SEMA3A: variants seen among roughly 807,000 people sequenced by gnomAD.
SEMA3A encodes semaphorin 3A, also known as semaphorin-3A.
Under a neutral mutation model 97.9 loss-of-function variants are expected in SEMA3A, and 29 were observed. The observed-to-expected ratio is 0.30, with a 90% CI of 0.22 to 0.40. The LOEUF is 0.40. Among genes scored for constraint, SEMA3A ranks in the 10% least tolerant of loss-of-function variants. The pLI, the probability that SEMA3A is intolerant of heterozygous loss-of-function variation, is 1.00. For missense variants in SEMA3A, 763 were observed against 951.3 expected (o/e 0.80, Z 2.60); for synonymous variants, 321 against 323.7 (o/e 0.99, Z 0.09).
At chr7:84,247,047 G>GA (rs1192239052) in intron 3 of SEMA3A, among the ~76,000 whole-genome samples, 34 of 151,886 alleles carry the variant, frequency 2.2e-4, no homozygotes, top group Non-Finnish European at 4.3e-4. Flanking sequence ...AAAGCCTAAG[G>GA]AAAAAGTAAA....
At chr7:84,460,191 T>C (rs1805792432) in intron 1 of SEMA3A, among the ~76,000 whole-genome samples, 1 of 152,144 alleles carries the variant, frequency 6.6e-6, no homozygotes, top group Admixed American at 6.5e-5. Context: ...GTAAAGAAAT[T>C]ATTATAATCC....
intron 1 of SEMA3A, among the ~76,000 whole-genome samples, chr7:84,164,604 G>C (rs1012080401): frequency 2.6e-5 from 4 of 152,110 alleles, no homozygotes; most frequent in Admixed American, 2.6e-4. Flanking sequence ...AACACATTTA[G>C]TCCTAGCAAT....
intron 6 of SEMA3A, among the ~76,000 whole-genome samples, chr7:84,017,484 A>C (rs1159384060): frequency 5.9e-5 from 9 of 152,324 alleles, no homozygotes; most frequent in African/African-American, 1.9e-4. Flanking sequence ...GAAAATGAGA[A>C]TATCCAAGAA....
chr7:84,330,188 T>C (rs568822811), intron 2 of SEMA3A, among the ~76,000 whole-genome samples: 1 of 152,138 alleles, frequency 6.6e-6, no homozygotes, highest in South Asian at 2.1e-4. Flanking sequence ...ATCCTGGATA[T>C]ATGTCTCGTT....
At chr7:84,360,844 A>G (rs1309690090) in intron 2 of SEMA3A, among the ~76,000 whole-genome samples, 2 of 151,836 alleles carry the variant, frequency 1.3e-5, no homozygotes, top group Non-Finnish European at 2.9e-5. Context: ...CCCAGGCTGG[A>G]GTGCAGTGGC....
intron 2 of SEMA3A, among the ~76,000 whole-genome samples, chr7:84,360,263 C>G (rs1802683149): frequency 6.6e-6 from 1 of 151,936 alleles, no homozygotes; most frequent in South Asian, 2.1e-4. Context: ...CCTGCTTTCT[C>G]TTGTGGGCAT....
intron 15 of SEMA3A, among the ~76,000 whole-genome samples, chr7:83,972,023 C>G (rs1639579): frequency 2.0e-5 from 3 of 150,710 alleles, no homozygotes; most frequent in Non-Finnish European, 4.4e-5. Flanking sequence ...ACGTGTGTGT[C>G]TATATATGTG....
chr7:84,414,103 T>G (rs1287945390), intron 1 of SEMA3A, among the ~76,000 whole-genome samples: 1 of 152,152 alleles, frequency 6.6e-6, no homozygotes, highest in East Asian at 1.9e-4. Flanking sequence ...CCGCACCAAC[T>G]TGAGCAATTT....
intron 5 of SEMA3A, among the ~76,000 whole-genome samples, chr7:84,058,790 C>T (rs1469440536): frequency 2.0e-5 from 3 of 152,168 alleles, no homozygotes; most frequent in African/African-American, 4.8e-5. Context: ...TCCTGACTCA[C>T]TGAACTTTGC....
rs566877897 is a variant in SEMA3A, at chr7:84,045,336, A to T, written c.667+988T>A. Among the ~76,000 whole-genome samples, 173 of 152,096 alleles carry T rather than the reference A, an allele frequency of 1.1e-3. 1 individual carries two copies. The highest frequency in any genetic ancestry group is 4.1e-3 in the African/African-American group (169 of 41,528). On this transcript the variant is annotated intron_variant, in intron 6 of 16. Coordinates refer to ENST00000265362, the MANE Select transcript of SEMA3A (RefSeq NM_006080.3). ...AGGAAAAATTTCATGCTTCATTCTTATGAACGAGTTATATACAAGCAGGAA... is the reference window on the plus strand; with the variant it reads ...AGGAAAAATTTCATGCTTCATTCTTTTGAACGAGTTATATACAAGCAGGAA...
intron 11 of SEMA3A, among the ~76,000 whole-genome samples, chr7:84,003,215 A>T (rs1027056360): frequency 6.6e-6 from 1 of 152,158 alleles, no homozygotes; most frequent in Non-Finnish European, 1.5e-5. Context: ...AACCAAAAAA[A>T]GTACACTTTT....
intron 4 of SEMA3A, among the ~76,000 whole-genome samples, chr7:84,062,869 A>C (rs1168454730): frequency 2.7e-4 from 39 of 145,348 alleles, no homozygotes; most frequent in Non-Finnish European, 3.9e-4. Context: ...GCCAAACTTG[A>C]TTAGGTAAAC....
At chr7:84,451,015 T>G (rs2116364960) in intron 1 of SEMA3A, among the ~76,000 whole-genome samples, 1 of 152,344 alleles carries the variant, frequency 6.6e-6, no homozygotes, top group South Asian at 2.1e-4. Context: ...TAATTTGATG[T>G]AATTCCAAGT....
intron 2 of SEMA3A, among the ~76,000 whole-genome samples, chr7:84,310,361 C>T (rs1403880947): frequency 6.6e-6 from 1 of 151,790 alleles, no homozygotes; most frequent in Non-Finnish European, 1.5e-5. Context: ...CTGATCCAAC[C>T]TGACAGTTGT....
intron 4 of SEMA3A, among the ~76,000 whole-genome samples, chr7:84,098,196 T>C (rs1794836039): frequency 6.6e-6 from 1 of 152,072 alleles, no homozygotes; most frequent in South Asian, 2.1e-4. Flanking sequence ...ATGATCATAA[T>C]ATTAGGAAAA....
intron 1 of SEMA3A, among the ~76,000 whole-genome samples, chr7:84,480,421 G>T (rs1640008259): frequency 6.6e-6 from 1 of 152,200 alleles, no homozygotes; most frequent in South Asian, 2.1e-4. Context: ...TTTCCATTCA[G>T]TAATTTTCTT....
At chr7:83,963,396 T>C in intron 15 of SEMA3A, 49 bp from the exon 16 acceptor site, 1 of 1,565,430 alleles carries the variant, frequency 6.4e-7, no homozygotes, top group Non-Finnish European at 8.7e-7. Flanking sequence ...AGAAGTAATT[T>C]CAACTTTCCA....
intron 3 of SEMA3A, among the ~76,000 whole-genome samples, chr7:84,255,576 C>G (rs1428497975): frequency 6.6e-6 from 1 of 152,110 alleles, no homozygotes; most frequent in Non-Finnish European, 1.5e-5. Flanking sequence ...CTGGAGTCTA[C>G]ATTCTCCCTT....
chr7:84,419,031 C>T (rs987306377), intron 1 of SEMA3A, among the ~76,000 whole-genome samples: 2 of 151,792 alleles, frequency 1.3e-5, no homozygotes, highest in Admixed American at 6.6e-5. Context: ...CTGACTAATA[C>T]AATTGGTTTC....
Sources: gnomAD v4.1 joint callset for allele counts (sites outside exome capture counted in the v4.1 genomes callset) on GRCh38, gnomAD v4.1.1 for gene constraint, MANE v1.5 for transcripts, NCBI Gene and HGNC (gene_info 2026-07-23, HGNC 2026-07-21) for gene names.